Variants in COL5A1 observed in about 807,000 individuals in gnomAD.
COL5A1 encodes the protein collagen alpha-1(V) chain.
COL5A1 carries 16 observed loss-of-function variants against 263.7 expected under a neutral mutation model. That is an observed-to-expected ratio of 0.06 (90% confidence interval 0.04 to 0.09). The LOEUF (loss-of-function observed/expected upper bound fraction) is 0.09. COL5A1 is among the 10% of genes least tolerant of loss of function. COL5A1 has a pLI of 1.00. For missense variants in COL5A1, 2,036 were observed against 2,540.5 expected, an observed-to-expected ratio of 0.80 and a Z score of 4.27; for synonymous variants, 1,012 against 1,004.5, an observed-to-expected ratio of 1.01 and a Z score of -0.14.
intron 27 of COL5A1, among the ~76,000 whole-genome samples, chr9:134,776,810 C>A (rs1172950254): frequency 6.6e-6 from 1 of 152,206 alleles, no homozygotes; most frequent in Non-Finnish European, 1.5e-5. Flanking sequence ...ATTCCAAGAT[C>A]ACAGCACCAG....
At chr9:134,810,175 A>G in intron 43 of COL5A1, 80 bp from the exon 44 acceptor site, 1 of 1,514,576 alleles carries the variant, frequency 6.6e-7, no homozygotes, top group Non-Finnish European at 9.2e-7. Context: ...TTAATCTCCA[A>G]GAAAAATTCA....
Position 134,741,923 on chromosome 9 carries a change from G to C in COL5A1, c.1494+3115G>C, listed in dbSNP as rs1026548383. On this transcript the variant is annotated intron_variant, in intron 11 of 65. Coordinates refer to ENST00000371817, the MANE Select transcript of COL5A1 (RefSeq NM_000093.5). This position sits in a 1 kb window ranked among gnomAD's most constrained non-coding sequence, Gnocchi z 4.5. ...GGTTTGTGCCTTTTCTTCCTCACTGGATGGTGAGTTCCTCAAGACAGGCCT... is the reference window on the plus strand; with the variant it reads ...GGTTTGTGCCTTTTCTTCCTCACTGCATGGTGAGTTCCTCAAGACAGGCCT... 5.3e-5 allele frequency among the ~76,000 whole-genome samples: 8 copies of C among 152,038 alleles called. No homozygotes were observed. Among genetic ancestry groups the C allele is most frequent in the Non-Finnish European group, 1.0e-4 (7 of 68,008 alleles).
chr9:134,796,795 G>A, intron 35 of COL5A1, 53 bp from the exon 36 acceptor site: 1 of 1,549,498 alleles, frequency 6.5e-7, no homozygotes, highest in African/African-American at 1.4e-5. Flanking sequence ...TCAGCGGCAG[G>A]AGCTGCTCGG....
chr9:134,684,770 G>T (rs983240277), intron 1 of COL5A1, among the ~76,000 whole-genome samples: 1 of 152,186 alleles, frequency 6.6e-6, no homozygotes, highest in Non-Finnish European at 1.5e-5. Flanking sequence ...TGGAGGCATT[G>T]TTATTGGCTG....
chr9:134,689,729 T>G (rs1255656076), intron 1 of COL5A1, among the ~76,000 whole-genome samples: 2 of 152,078 alleles, frequency 1.3e-5, no homozygotes, highest in African/African-American at 2.4e-5. Flanking sequence ...GACAGGGCGG[T>G]GTCATGCTCT....
intron 11 of COL5A1, among the ~76,000 whole-genome samples, chr9:134,740,654 C>T (rs940272357): frequency 1.3e-5 from 2 of 152,198 alleles, no homozygotes; most frequent in Non-Finnish European, 1.5e-5. Flanking sequence ...CTGCTCTAGC[C>T]TGGGGATCTC....
intron 3 of COL5A1, 66 bp from the exon 4 acceptor site, chr9:134,701,105 G>C (rs1330506154): frequency 6.4e-7 from 1 of 1,556,276 alleles, no homozygotes; most frequent in Non-Finnish European, 8.8e-7. Context: ...CGAGGAATTT[G>C]CAGCAAAATT....
At chr9:134,781,802 G>A (rs527524999) in intron 28 of COL5A1, among the ~76,000 whole-genome samples, 9 of 152,320 alleles carry the variant, frequency 5.9e-5, no homozygotes, top group East Asian at 5.8e-4. Flanking sequence ...TGGGAGCCCC[G>A]GGAGCTGGCG....
chr9:134,676,320 C>T (rs1832683230), intron 1 of COL5A1, among the ~76,000 whole-genome samples: 1 of 152,178 alleles, frequency 6.6e-6, no homozygotes, highest in Non-Finnish European at 1.5e-5. Flanking sequence ...ATAAGGATTT[C>T]CATGGCTTAA....
chr9:134,786,367 C>T (rs1253042888), intron 31 of COL5A1, among the ~76,000 whole-genome samples: 1 of 152,208 alleles, frequency 6.6e-6, no homozygotes, highest in East Asian at 1.9e-4. Flanking sequence ...CCACCGTGTT[C>T]ACTGCCTTCT....
At chr9:134,748,456 T>C (rs1835654952) in intron 11 of COL5A1, among the ~76,000 whole-genome samples, 1 of 152,226 alleles carries the variant, frequency 6.6e-6, no homozygotes, top group Non-Finnish European at 1.5e-5. Flanking sequence ...AGACAGCAGC[T>C]TGTCCTTGGG....
At chr9:134,790,161 C>G (rs1260735992) in intron 32 of COL5A1, among the ~76,000 whole-genome samples, 3 of 152,196 alleles carry the variant, frequency 2.0e-5, no homozygotes, top group Non-Finnish European at 2.9e-5. Flanking sequence ...CCCTCCTGGC[C>G]AAAACCTTAT....
intron 27 of COL5A1, among the ~76,000 whole-genome samples, chr9:134,775,319 T>C (rs1228799634): frequency 6.6e-6 from 1 of 152,244 alleles, no homozygotes; most frequent in East Asian, 1.9e-4. Flanking sequence ...CTGGGGAAGC[T>C]CGGAAACATT....
At chr9:134,699,338 G>A (rs1833588220) in intron 2 of COL5A1, among the ~76,000 whole-genome samples, 1 of 152,138 alleles carries the variant, frequency 6.6e-6, no homozygotes, top group African/African-American at 2.4e-5. Context: ...AAATTCTTTT[G>A]ATGAATTTCC....
In COL5A1 at chr9:134,794,015, T is replaced by C. The variant is rs958186527; in HGVS notation, c.2701-1067T>C. Among the ~76,000 whole-genome samples, 3 of 152,194 alleles carry C rather than the reference T, an allele frequency of 2.0e-5. No individual in the cohort carries two copies. Among genetic ancestry groups the C allele is most frequent in the African/African-American group, 7.2e-5 (3 of 41,444 alleles). On this transcript the variant is annotated intron_variant, in intron 32 of 65. Coordinates refer to ENST00000371817, the MANE Select transcript of COL5A1 (RefSeq NM_000093.5). This position sits in a 1 kb window ranked among gnomAD's most constrained non-coding sequence, Gnocchi z 4.3. ...TGGCCTCCAGCCATACAGATCCACC[T>C]TGGGCGGAGCATCAGAAACCAGTCA...
chr9:134,828,790 CACAG>C (rs1433493708), intron 63 of COL5A1, among the ~76,000 whole-genome samples: 1 of 150,654 alleles, frequency 6.6e-6, no homozygotes, highest in Non-Finnish European at 1.5e-5. Context: ...ACACACCATA[CACAG>C]ACATTACACA....
chr9:134,789,205 C>G lies in COL5A1; in HGVS notation c.2697C>G (p.Gly899=). ...GFPGANGEKG[G]RGTPGKPGPR... The stretch of plus-strand genomic sequence containing the variant: ...CTGGCGCCAATGGAGAGAAGGGCGG[C>G]AGGGTAAGGATAGCCTGGCCCCTGG... Residue 899 remains glycine (G), a synonymous_variant, in exon 32 of 66, where the codon GGC becomes GGG. Transcript: ENST00000371817. This position sits in a 1 kb window ranked among gnomAD's most constrained non-coding sequence, Gnocchi z 4.8. 3 of 1,612,728 alleles carry G rather than the reference C, an allele frequency of 1.9e-6. No individual in the cohort carries two copies. The highest frequency in any genetic ancestry group is 2.5e-6 in the Non-Finnish European group (3 of 1,179,846).
intron 39 of COL5A1, among the ~76,000 whole-genome samples, chr9:134,804,625 C>T (rs796587177): frequency 1.1e-4 from 16 of 152,324 alleles, no homozygotes; most frequent in African/African-American, 3.6e-4. Context: ...ACGCAGAGCC[C>T]GCCAGATGAG....
chr9:134,738,865 C>T, intron 11 of COL5A1, 57 bp downstream of exon 11: 1 of 1,382,358 alleles, frequency 7.2e-7, no homozygotes, highest in Non-Finnish European at 1.0e-6. Context: ...GCCCACGCCT[C>T]CTCTCCACAC....
Sources: gnomAD v4.1 joint callset for allele counts (sites outside exome capture counted in the v4.1 genomes callset) on GRCh38, gnomAD v4.1.1 for gene constraint, Gnocchi (gnomAD v3.1) non-coding constraint, MANE v1.5 for transcripts, NCBI Gene and HGNC (gene_info 2026-07-23, HGNC 2026-07-21) for gene names.